Variants in KIAA1958 observed in about 807,000 individuals in gnomAD.
KIAA1958 encodes the protein uncharacterized protein KIAA1958.
KIAA1958 carries 14 observed loss-of-function variants against 47.2 expected under a neutral mutation model. That is an observed-to-expected ratio of 0.30 (90% confidence interval 0.20 to 0.46). The LOEUF is 0.46. KIAA1958 is among the 20% of genes least tolerant of loss of function. The pLI is 1.00. For synonymous variants in KIAA1958, 354 were observed against 353.3 expected (o/e 1.00, Z -0.02); for missense variants, 803 against 909.2 (o/e 0.88, Z 1.50).
chr9:112,633,583 A>G (rs1836748066), intron 2 of KIAA1958, among the ~76,000 whole-genome samples: 1 of 152,124 alleles, frequency 6.6e-6, no homozygotes, highest in Non-Finnish European at 1.5e-5. Flanking sequence ...CACCACCTGG[A>G]GGGAGACATA....
intron 1 of KIAA1958, among the ~76,000 whole-genome samples, chr9:112,572,402 C>T (rs75307269): frequency 6.6e-6 from 1 of 152,088 alleles, no homozygotes; most frequent in African/African-American, 2.4e-5. Context: ...CAGGACCATG[C>T]CTTTTGAATT....
intron 1 of KIAA1958, among the ~76,000 whole-genome samples, chr9:112,521,021 T>G (rs1338039781): frequency 6.6e-6 from 1 of 152,228 alleles, no homozygotes; most frequent in East Asian, 1.9e-4. Context: ...ATAAGCCTTT[T>G]CTTCTTGTTT....
Position 112,662,562 on chromosome 9 carries a change from A to C in KIAA1958, c.*2493A>C, listed in dbSNP as rs902537213. The C allele has an allele frequency of 6.6e-6, 1 of 152,348 alleles. No homozygotes were observed. Among genetic ancestry groups the C allele is most frequent in the African/African-American group, 2.4e-5 (1 of 41,478 alleles). 9.4% of individuals were successfully genotyped at this position (152,348 alleles called of 1,614,324 possible). On this transcript the variant is annotated 3_prime_UTR_variant, in exon 4 of 4. Transcript: ENST00000337530. ...ATAATCCCAGCACTTTGGGAGGCCA[A>C]GGTGGGCAGATCACTTGAGGTCAGG... is the stretch of plus-strand genomic sequence containing the variant.
At chr9:112,614,440 T>G (rs1836377728) in intron 2 of KIAA1958, among the ~76,000 whole-genome samples, 1 of 152,234 alleles carries the variant, frequency 6.6e-6, no homozygotes, top group South Asian at 2.1e-4. Context: ...TTAAAAGGAA[T>G]GGGTCAGAAA....
At chr9:112,530,482 G>A (rs1387473907) in intron 1 of KIAA1958, among the ~76,000 whole-genome samples, 2 of 152,088 alleles carry the variant, frequency 1.3e-5, no homozygotes, top group African/African-American at 4.8e-5. Context: ...ATACTTTGAT[G>A]TGCTTATATG....
intron 2 of KIAA1958, among the ~76,000 whole-genome samples, chr9:112,615,231 G>T (rs1836390332): frequency 6.6e-6 from 1 of 152,000 alleles, no homozygotes; most frequent in Admixed American, 6.6e-5. Flanking sequence ...GACCAGCCTG[G>T]CCAACATGGT....
rs113625780 is a variant in KIAA1958 at position 112,581,498 on chromosome 9, G to T, written c.1171+6247G>T. Among the ~76,000 whole-genome samples the T allele has an allele frequency of 2.0e-5, 3 of 152,204 alleles. No homozygotes were observed. The East Asian group carries it at 5.8e-4, about 29-fold the overall frequency. ...TAGAAATGCAGAGTTTCAGGAGGCC[G>T]CGAGGAAAGACCAAAAATGCTGTGT... On this transcript the variant is annotated intron_variant, in intron 2 of 3. Coordinates refer to ENST00000337530, the MANE Select transcript of KIAA1958 (RefSeq NM_133465.4).
At chr9:112,583,825 C>T (rs1320274150) in intron 2 of KIAA1958, among the ~76,000 whole-genome samples, 1 of 152,134 alleles carries the variant, frequency 6.6e-6, no homozygotes, top group Non-Finnish European at 1.5e-5. Flanking sequence ...TAGTGGTTTT[C>T]TTCGAGGAGG....
chr9:112,653,619 A>C (rs761502762), intron 3 of KIAA1958, among the ~76,000 whole-genome samples: 1 of 152,054 alleles, frequency 6.6e-6, no homozygotes, highest in Non-Finnish European at 1.5e-5. Flanking sequence ...ACAAGACAGA[A>C]GCAGGCCACG....
At chr9:112,655,728 T>A (rs1260517839) in intron 3 of KIAA1958, among the ~76,000 whole-genome samples, 2 of 152,184 alleles carry the variant, frequency 1.3e-5, no homozygotes, top group African/African-American at 4.8e-5. Context: ...GGAGTGTTGC[T>A]GGGCACAAGG....
rs61382078 is a variant in KIAA1958 at position 112,543,226 on chromosome 9, GTTGT to G, written c.-24-30808_-24-30805del. On this transcript the variant is annotated intron_variant, in intron 1 of 3. Coordinates refer to ENST00000337530, the MANE Select transcript of KIAA1958 (RefSeq NM_133465.4). Reference sequence around the variant, plus strand: ...TCTTAGCCTATTTGTTTTTGTTGTTGTTGTTTGTTTGTTTGTTTGTTTGTTTTAA... The same window carrying G: ...TCTTAGCCTATTTGTTTTTGTTGTTGTTGTTTGTTTGTTTGTTTGTTTTAA... Among the ~76,000 whole-genome samples, 179 of 151,006 alleles carry G rather than the reference GTTGT, an allele frequency of 1.2e-3. 1 individual carries two copies. The highest frequency in any genetic ancestry group is 3.4e-3 in the Middle Eastern group (1 of 292).
chr9:112,500,127 T>C (rs1351301300), intron 1 of KIAA1958, among the ~76,000 whole-genome samples: 2 of 152,022 alleles, frequency 1.3e-5, no homozygotes, highest in Non-Finnish European at 2.9e-5. Flanking sequence ...TTTGAGACAG[T>C]GTCTCGCTCT....
intron 1 of KIAA1958, among the ~76,000 whole-genome samples, chr9:112,524,510 G>A (rs7035361): frequency 0.96 from 146,107 of 152,366 alleles, 70,104 homozygotes; most frequent in African/African-American, 0.99. Context: ...TTTAAAGTAT[G>A]CAATTCAGTG....
intron 2 of KIAA1958, among the ~76,000 whole-genome samples, chr9:112,640,295 G>A (rs1836871309): frequency 6.6e-6 from 1 of 152,136 alleles, no homozygotes; most frequent in African/African-American, 2.4e-5. Flanking sequence ...ATGAAAGCTG[G>A]ATTGTCCAAG....
intron 1 of KIAA1958, among the ~76,000 whole-genome samples, chr9:112,543,137 T>G (rs1237585386): frequency 1.3e-5 from 2 of 152,190 alleles, no homozygotes; most frequent in African/African-American, 4.8e-5. Context: ...CTTGAGCAGA[T>G]CAAAGCTCTG....
intron 1 of KIAA1958, among the ~76,000 whole-genome samples, chr9:112,492,862 AC>A (rs1833992306): frequency 6.7e-6 from 1 of 148,366 alleles, no homozygotes; most frequent in African/African-American, 2.5e-5. Flanking sequence ...CAGTCCTCTC[AC>A]CTCAGCCTTC....
chr9:112,507,692 A>G (rs537129796), intron 1 of KIAA1958, among the ~76,000 whole-genome samples: 4 of 152,202 alleles, frequency 2.6e-5, no homozygotes, highest in African/African-American at 9.6e-5. Context: ...GTTTTGTGTG[A>G]CATCAATCAA....
chr9:112,655,125 T>G (rs1432729450), intron 3 of KIAA1958, among the ~76,000 whole-genome samples: 1 of 152,222 alleles, frequency 6.6e-6, no homozygotes, highest in Non-Finnish European at 1.5e-5. Flanking sequence ...AGTAAGAGGA[T>G]CTTTTTCTTC....
intron 1 of KIAA1958, among the ~76,000 whole-genome samples, chr9:112,572,454 A>G (rs1419956637): frequency 1.3e-5 from 2 of 152,202 alleles, no homozygotes; most frequent in African/African-American, 4.8e-5. Flanking sequence ...GTGAATAATT[A>G]AGTCATAGTT....
Sources: gnomAD v4.1 joint callset for allele counts (sites outside exome capture counted in the v4.1 genomes callset) on GRCh38, gnomAD v4.1.1 for gene constraint, MANE v1.5 for transcripts, NCBI Gene and HGNC (gene_info 2026-07-23, HGNC 2026-07-21) for gene names.